RNF169: variants seen among roughly 807,000 people sequenced by gnomAD.
The protein encoded by RNF169 is ring finger protein 169, also known as E3 ubiquitin-protein ligase RNF169.
A neutral mutation model predicts 53.9 loss-of-function variants in RNF169; 24 were observed. The observed-to-expected ratio is 0.45, with a 90% CI of 0.32 to 0.63. RNF169 has a LOEUF of 0.63. RNF169 is among the 20% of genes least tolerant of loss of function. RNF169 has a pLI of 0.04. For missense variants in RNF169, 883 were observed against 906.2 expected, an observed-to-expected ratio of 0.97 and a Z score of 0.33; for synonymous variants, 396 against 363.5, an observed-to-expected ratio of 1.09 and a Z score of -1.02.
At chr11:74,755,441 T>G (rs1172113462) in intron 1 of RNF169, among the ~76,000 whole-genome samples, 1 of 152,238 alleles carries the variant, frequency 6.6e-6, no homozygotes, top group African/African-American at 2.4e-5. Context: ...TAGGATATGT[T>G]TGTTAAATTT....
At position 74,837,707 on chromosome 11, in the gene RNF169, A is replaced by G. The variant is rs2036278456; in HGVS notation, c.*977A>G. 6.6e-6 allele frequency: 1 copy of G among 152,236 alleles called. No individual in the cohort carries two copies. Among genetic ancestry groups the G allele is most frequent in the Non-Finnish European group, 1.5e-5 (1 of 68,032 alleles). 9.4% of individuals were successfully genotyped at this position (152,236 alleles called of 1,614,324 possible). On this transcript the variant is annotated 3_prime_UTR_variant, in exon 6 of 6. Transcript: ENST00000299563. ...TGGCCAAGGGTTATCTGCAATGTTG[A>G]TCTAAAATCCTAAAAAATCACCCTG...
At chr11:74,751,191 T>TA (rs2034889668) in intron 1 of RNF169, among the ~76,000 whole-genome samples, 1 of 152,056 alleles carries the variant, frequency 6.6e-6, no homozygotes, top group Non-Finnish European at 1.5e-5. Context: ...CTTTTAAGCT[T>TA]CACAACATCC....
intron 2 of RNF169, among the ~76,000 whole-genome samples, chr11:74,809,757 T>G (rs761623045): frequency 1.3e-5 from 2 of 152,254 alleles, no homozygotes; most frequent in African/African-American, 2.4e-5. Flanking sequence ...TAGAACTGCG[T>G]TAAGTCACTC....
At position 74,789,702 on chromosome 11, in the gene RNF169, A is replaced by G. The variant is rs946024470; in HGVS notation, c.576+3A>G. On this transcript the variant is annotated splice_donor_region_variant and intron_variant, in intron 2 of 5. Coordinates refer to ENST00000299563, the MANE Select transcript of RNF169 (RefSeq NM_001098638.2). ...AGGAATATGAAAGCTTGAGAAAGGT[A>G]TAGTATTATCATGTCATTCATTTTC... The G allele has an allele frequency of 9.6e-6, 15 of 1,556,882 alleles. No homozygotes were observed. Among genetic ancestry groups the G allele is most frequent in the South Asian group, 2.2e-5 (2 of 89,304 alleles).
At chr11:74,754,165 T>C (rs1406524820) in intron 1 of RNF169, among the ~76,000 whole-genome samples, 1 of 152,160 alleles carries the variant, frequency 6.6e-6, no homozygotes, top group Non-Finnish European at 1.5e-5. Flanking sequence ...ATTAAAGATC[T>C]CTCTCTCTCA....
At chr11:74,760,014 C>G (rs1380555847) in intron 1 of RNF169, among the ~76,000 whole-genome samples, 1 of 151,166 alleles carries the variant, frequency 6.6e-6, no homozygotes, top group African/African-American at 2.5e-5. Context: ...TTCAGAGATT[C>G]AGCTTCTTCC....
intron 1 of RNF169, among the ~76,000 whole-genome samples, chr11:74,765,527 G>C (rs1013735455): frequency 1.3e-5 from 2 of 152,110 alleles, no homozygotes; most frequent in East Asian, 3.9e-4. Context: ...CCAGCCGGGT[G>C]CGGTGGCTCA....
At chr11:74,762,566 C>T (rs943177190) in intron 1 of RNF169, among the ~76,000 whole-genome samples, 1 of 152,192 alleles carries the variant, frequency 6.6e-6, no homozygotes, top group African/African-American at 2.4e-5. Context: ...ATGCAGAAAT[C>T]ACCCGTCTTC....
intron 1 of RNF169, among the ~76,000 whole-genome samples, chr11:74,752,734 T>G (rs1224840233): frequency 6.6e-6 from 1 of 152,224 alleles, no homozygotes; most frequent in African/African-American, 2.4e-5. Flanking sequence ...ACTTGCTTTT[T>G]TTTTGGTTTA....
intron 2 of RNF169, among the ~76,000 whole-genome samples, chr11:74,790,308 C>T (rs1312352866): frequency 6.6e-6 from 1 of 152,176 alleles, no homozygotes; most frequent in East Asian, 1.9e-4. Flanking sequence ...CTTTCCCAGC[C>T]CTCTCCCTGC....
At chr11:74,835,362 T>C (rs900946096) in intron 5 of RNF169, among the ~76,000 whole-genome samples, 184 bp from the exon 6 acceptor site, 1 of 152,180 alleles carries the variant, frequency 6.6e-6, no homozygotes, top group Non-Finnish European at 1.5e-5. Flanking sequence ...TTGAAGTATA[T>C]AGGATTTTCT....
chr11:74,782,062 C>T (rs533238647), intron 1 of RNF169, among the ~76,000 whole-genome samples: 1 of 152,262 alleles, frequency 6.6e-6, no homozygotes, highest in East Asian at 1.9e-4. Flanking sequence ...CCAAGTTCAT[C>T]TTTTGGCTTT....
Position 74,812,803 on chromosome 11 carries a change from T to C in RNF169, c.723+2473T>C, listed in dbSNP as rs112049714. On this transcript the variant is annotated intron_variant, in intron 3 of 5. Coordinates refer to ENST00000299563, the MANE Select transcript of RNF169 (RefSeq NM_001098638.2). ...CGAGACTGATCATTTCACTCTCCTG[T>C]CCCCCAAATTTTAATGACTCCTCTT... Among the ~76,000 whole-genome samples the C allele has an allele frequency of 4.7e-3, 719 of 152,246 alleles. 6 individuals carry two copies. The highest frequency in any genetic ancestry group is 0.016 in the African/African-American group (667 of 41,536).
Position 74,836,244 on chromosome 11 carries a change from G to A in RNF169, c.1641G>A (p.Gln547=), listed in dbSNP as rs2036255402. ...GGSGTSLERE[Q]FEGLGSTPDA... is the part of the protein sequence containing the mutation. ...GTGGGACTTCTTTGGAGAGGGAGCA[G>A]TTTGAGGGGTTAGGGTCAACTCCAG... Residue 547 remains glutamine, a synonymous_variant, in exon 6 of 6, where the codon CAG becomes CAA. Transcript: ENST00000299563. The A allele has an allele frequency of 6.2e-7, 1 of 1,614,186 alleles. No homozygotes were observed. The highest frequency in any genetic ancestry group is 8.5e-7 in the Non-Finnish European group (1 of 1,180,020).
intron 4 of RNF169, among the ~76,000 whole-genome samples, chr11:74,826,108 T>C (rs969545176): frequency 1.3e-5 from 2 of 152,124 alleles, no homozygotes; most frequent in African/African-American, 4.8e-5. Context: ...GGTGGATTAC[T>C]TGAAGTCAAG....
chr11:74,830,489 C>G (rs993099704), intron 4 of RNF169: 2 of 151,354 alleles, frequency 1.3e-5, no homozygotes, highest in African/African-American at 4.9e-5. Context: ...CGTAAAGTAC[C>G]TGAGGAAGTT....
At chr11:74,821,549 C>G (rs10899044) in intron 4 of RNF169, among the ~76,000 whole-genome samples, 1 of 107,292 alleles carries the variant, frequency 9.3e-6, no homozygotes, top group African/African-American at 5.4e-5. Flanking sequence ...TCCCAGCTAC[C>G]TGGGAGGCTG....
At chr11:74,754,542 C>G (rs1185536120) in intron 1 of RNF169, among the ~76,000 whole-genome samples, 1 of 152,070 alleles carries the variant, frequency 6.6e-6, no homozygotes, top group African/African-American at 2.4e-5. Context: ...ATAGATAGGC[C>G]AGGCGCGGTG....
chr11:74,771,340 A>G (rs1438022045), intron 1 of RNF169, among the ~76,000 whole-genome samples: 1 of 152,246 alleles, frequency 6.6e-6, no homozygotes, highest in Non-Finnish European at 1.5e-5. Context: ...AAGTGCTGAC[A>G]TGACATGACA....
Sources: gnomAD v4.1 joint callset for allele counts (sites outside exome capture counted in the v4.1 genomes callset) on GRCh38, gnomAD v4.1.1 for gene constraint, MANE v1.5 for transcripts, NCBI Gene and HGNC (gene_info 2026-07-23, HGNC 2026-07-21) for gene names.